Variants in SUGCT observed in about 807,000 individuals in gnomAD.
The protein encoded by SUGCT is succinyl-CoA:glutarate-CoA transferase, also known as succinyl-CoA:glutarate CoA-transferase.
In SUGCT, 41 loss-of-function variants were observed where a neutral mutation model predicts 55.0. The observed-to-expected ratio is 0.74, with a 90% CI of 0.58 to 0.97. The LOEUF (loss-of-function observed/expected upper bound fraction) is 0.97. SUGCT is among the 50% of genes least tolerant of loss of function. The pLI is 0.00. For missense variants in SUGCT, 568 were observed against 547.8 expected (o/e 1.04, Z -0.37); for synonymous variants, 187 against 200.4 (o/e 0.93, Z 0.56).
chr7:40,377,251 TTTC>T (rs1784649106), intron 9 of SUGCT, among the ~76,000 whole-genome samples: 1 of 9,052 alleles, frequency 1.1e-4, no homozygotes, highest in East Asian at 7.9e-4. Context: ...TCCTTCCTTC[TTTC>T]TTTTTTGAGA....
chr7:40,900,713 G>A, the SUGCT span, among the ~76,000 whole-genome samples: 14 of 152,174 alleles, frequency 9.2e-5, no homozygotes, highest in African/African-American at 1.9e-4. Context: ...CAAAAACCAC[G>A]AGGCAGCCTA....
chr7:40,412,881 C>A (rs981083771), intron 9 of SUGCT, among the ~76,000 whole-genome samples: 1 of 152,036 alleles, frequency 6.6e-6, no homozygotes, highest in African/African-American at 2.4e-5. Flanking sequence ...TAAATAAATG[C>A]TTTCTAAAAT....
chr7:40,149,151 GA>G (rs1286695194), intron 1 of SUGCT, among the ~76,000 whole-genome samples: 2 of 152,038 alleles, frequency 1.3e-5, no homozygotes, highest in African/African-American at 4.8e-5. Flanking sequence ...TCCATTCTTT[GA>G]AAAGTAAAAT....
At chr7:40,260,354 T>C (rs1356744714) in intron 7 of SUGCT, among the ~76,000 whole-genome samples, 1 of 152,036 alleles carries the variant, frequency 6.6e-6, no homozygotes, top group Non-Finnish European at 1.5e-5. Context: ...CCCCATAGAG[T>C]TGGTGCTTAT....
chr7:40,700,003 T>G (rs199534101), intron 12 of SUGCT, among the ~76,000 whole-genome samples: 1 of 151,822 alleles, frequency 6.6e-6, no homozygotes, highest in East Asian at 1.9e-4. Context: ...TTTTCCCCTT[T>G]TAGTAGAATT....
intron 7 of SUGCT, among the ~76,000 whole-genome samples, chr7:40,263,732 C>A (rs1791376006): frequency 6.6e-6 from 1 of 152,182 alleles, no homozygotes; most frequent in African/African-American, 2.4e-5. Flanking sequence ...CAGGCACTTA[C>A]AAGGGATCTG....
At chr7:41,005,034 C>T in the SUGCT span, among the ~76,000 whole-genome samples, 52 of 152,250 alleles carry the variant, frequency 3.4e-4, no homozygotes, top group Admixed American at 2.9e-3. Flanking sequence ...CAAGCAACTG[C>T]GTACTTCCTA....
intron 8 of SUGCT, among the ~76,000 whole-genome samples, chr7:40,277,171 A>C (rs1388157975): frequency 6.6e-6 from 1 of 152,090 alleles, no homozygotes; most frequent in East Asian, 1.9e-4. Context: ...GATTGCTAAA[A>C]TTAGTGTATT....
intron 1 of SUGCT, among the ~76,000 whole-genome samples, chr7:40,163,724 C>A (rs1784289419): frequency 6.6e-6 from 1 of 151,918 alleles, no homozygotes; most frequent in Admixed American, 6.6e-5. Flanking sequence ...AGGATTTATA[C>A]CCAAAACACT....
chr7:40,188,812 T>C (rs1002066592), intron 4 of SUGCT, among the ~76,000 whole-genome samples: 1 of 152,196 alleles, frequency 6.6e-6, no homozygotes, highest in Non-Finnish European at 1.5e-5. Flanking sequence ...GAATTTATAA[T>C]GGAAATAATT....
chr7:40,963,512 C>A, the SUGCT span, among the ~76,000 whole-genome samples: 2 of 152,132 alleles, frequency 1.3e-5, no homozygotes, highest in East Asian at 1.9e-4. Flanking sequence ...GCTCTTATGC[C>A]TTACCTGGAG....
In SUGCT at chr7:40,679,320, A is replaced by AT. The variant is rs1185368009; in HGVS notation, c.1090-70108dup. Among the ~76,000 whole-genome samples the AT allele has an allele frequency of 5.9e-5, 9 of 152,180 alleles. No homozygotes were observed. The South Asian group carries it at 1.7e-3, about 28-fold the overall frequency. On this transcript the variant is annotated intron_variant, in intron 12 of 13. Coordinates refer to ENST00000335693, the MANE Select transcript of SUGCT (RefSeq NM_001193313.2). ...ATCTGGAGTTGGCCTTTTGTTTAAG[A>AT]TTTTTTCCATGCTAGCCCACCATTC...
Position 40,296,612 on chromosome 7 carries a change from CGTGTGTGT to C in SUGCT, c.721-20113_721-20106del, listed in dbSNP as rs10528858. Reference sequence around the variant, plus strand: ...AGGGAGAGAGACAGAGTGAGTGACTCGTGTGTGTGTGTGTGTGTGTGTGTGTGTGTGTG... The same window carrying C: ...AGGGAGAGAGACAGAGTGAGTGACTCGTGTGTGTGTGTGTGTGTGTGTGTG... On this transcript the variant is annotated intron_variant, in intron 8 of 13. Transcript: ENST00000335693. Among the ~76,000 whole-genome samples the C allele has an allele frequency of 3.4e-3, 490 of 144,818 alleles. 6 individuals carry two copies. The highest frequency in any genetic ancestry group is 0.01 in the African/African-American group (387 of 38,594).
chr7:41,007,453 A>T, the SUGCT span, among the ~76,000 whole-genome samples: 4 of 152,190 alleles, frequency 2.6e-5, no homozygotes, highest in Admixed American at 1.3e-4. Context: ...GGAGCTCATG[A>T]CTTCCTCTCT....
At chr7:40,789,279 T>G (rs1790190730) in intron 13 of SUGCT, among the ~76,000 whole-genome samples, 2 of 152,136 alleles carry the variant, frequency 1.3e-5, no homozygotes, top group South Asian at 4.1e-4. Flanking sequence ...CCCTCCCTCT[T>G]AGGTCCTGGT....
At chr7:40,324,261 A>ATATATATATATATATACATATATATT (rs377215730) in intron 9 of SUGCT, among the ~76,000 whole-genome samples, 7 of 99,970 alleles carry the variant, frequency 7.0e-5, no homozygotes, top group Non-Finnish European at 1.4e-4. Flanking sequence ...AAATATATAT[A>ATATATATATATATATACATATATATT]TATTTATTTT....
intron 12 of SUGCT, chr7:40,538,585 A>G (rs1218648037): frequency 2.0e-5 from 3 of 152,238 alleles, no homozygotes; most frequent in Non-Finnish European, 2.9e-5. Context: ...GTAAAACAAA[A>G]TAAGCACCAT....
At position 40,336,326 on chromosome 7, in the gene SUGCT, C is replaced by G. The variant is rs141712068; in HGVS notation, c.816+19471C>G. Among the ~76,000 whole-genome samples, 62 of 152,272 alleles carry G rather than the reference C, an allele frequency of 4.1e-4. No individual in the cohort carries two copies. In the East Asian group the frequency reaches 0.011, roughly 28 times the overall value. On this transcript the variant is annotated intron_variant, in intron 9 of 13. Coordinates refer to ENST00000335693, the MANE Select transcript of SUGCT (RefSeq NM_001193313.2). Reference sequence around the variant, plus strand: ...TGGAATAGTTTCAGAAGGAATGGTACCAGCTCCTCCCTGTACCTCTGGTAG... The same window carrying G: ...TGGAATAGTTTCAGAAGGAATGGTAGCAGCTCCTCCCTGTACCTCTGGTAG...
chr7:40,830,875 A>G (rs193121131), intron 13 of SUGCT, among the ~76,000 whole-genome samples: 1 of 152,144 alleles, frequency 6.6e-6, no homozygotes, highest in East Asian at 1.9e-4. Context: ...TTTTTACTCT[A>G]ATCTTTCCCC....
Sources: gnomAD v4.1 joint callset for allele counts (sites outside exome capture counted in the v4.1 genomes callset) on GRCh38, gnomAD v4.1.1 for gene constraint, MANE v1.5 for transcripts, NCBI Gene and HGNC (gene_info 2026-07-23, HGNC 2026-07-21) for gene names.